ZMYM6: variants seen among roughly 807,000 people sequenced by gnomAD.
ZMYM6 encodes zinc finger MYM-type containing 6.
Under a neutral mutation model 134.0 loss-of-function variants are expected in ZMYM6, and 90 were observed. The observed-to-expected ratio is 0.67, with a 90% CI of 0.57 to 0.80. ZMYM6 has a LOEUF of 0.80. Ranked by LOEUF, ZMYM6 falls within the 30% of genes least tolerant of loss-of-function variation. ZMYM6 has a pLI of 0.00. For synonymous variants in ZMYM6, 481 were observed against 524.1 expected, an observed-to-expected ratio of 0.92 and a Z score of 1.12; for missense variants, 1,362 against 1,533.9, an observed-to-expected ratio of 0.89 and a Z score of 1.87.
chr1:35,019,863 A>G (rs150351075), intron 3 of ZMYM6, among the ~76,000 whole-genome samples: 3 of 151,950 alleles, frequency 2.0e-5, no homozygotes, highest in Non-Finnish European at 2.9e-5. Flanking sequence ...TTTAGCAAAG[A>G]TAAGGTATGT....
intron 14 of ZMYM6, among the ~76,000 whole-genome samples, chr1:35,003,651 T>C (rs1640917021): frequency 6.6e-6 from 1 of 152,238 alleles, no homozygotes; most frequent in Admixed American, 6.5e-5. Flanking sequence ...AATGCATTCT[T>C]ACTAATGATC....
At chr1:35,021,033 G>A (rs1164643618) in intron 2 of ZMYM6, among the ~76,000 whole-genome samples, 2 of 151,694 alleles carry the variant, frequency 1.3e-5, no homozygotes, top group Non-Finnish European at 2.9e-5. Flanking sequence ...TGATATATGG[G>A]AGTAATACAT....
At chr1:35,004,992 T>C (rs1304818737) in intron 13 of ZMYM6, 140 bp downstream of exon 13, 1 of 894,758 alleles carries the variant, frequency 1.1e-6, no homozygotes, top group Non-Finnish European at 1.6e-6. Flanking sequence ...CAGGAGGCGG[T>C]GGTTGCAGTG....
chr1:35,014,374 G>T (rs545666907), intron 6 of ZMYM6, among the ~76,000 whole-genome samples: 1 of 152,150 alleles, frequency 6.6e-6, no homozygotes, highest in Non-Finnish European at 1.5e-5. Context: ...AGGCTGAGGC[G>T]AGTGGATGGC....
At chr1:34,997,112 T>C (rs1019120583) in intron 14 of ZMYM6, among the ~76,000 whole-genome samples, 3 of 152,212 alleles carry the variant, frequency 2.0e-5, no homozygotes, top group African/African-American at 7.2e-5. Flanking sequence ...AGCACTTTTA[T>C]CAATTTACAC....
chr1:35,001,913 G>A (rs918939918), intron 14 of ZMYM6, among the ~76,000 whole-genome samples: 2 of 152,124 alleles, frequency 1.3e-5, no homozygotes, highest in Non-Finnish European at 2.9e-5. Flanking sequence ...ACTCTAATGT[G>A]GTTTGAGAGT....
chr1:35,022,339 C>T (rs554427633), intron 2 of ZMYM6, among the ~76,000 whole-genome samples: 84 of 152,152 alleles, frequency 5.5e-4, no homozygotes, highest in South Asian at 1.2e-3. Context: ...GGTGCCATCT[C>T]GGCTCACTGC....
chr1:35,025,751 T>C (rs1641402601), intron 2 of ZMYM6, among the ~76,000 whole-genome samples: 1 of 152,186 alleles, frequency 6.6e-6, no homozygotes, highest in Non-Finnish European at 1.5e-5. Context: ...GGTTAAGGGT[T>C]TGGGCTCTTG....
chr1:34,989,327 C>T, intron 15 of ZMYM6: 1 of 873,510 alleles, frequency 1.1e-6, no homozygotes, highest in Non-Finnish European at 1.4e-6. Context: ...CACTTGAGCC[C>T]TGGAGTTAGA....
At position 34,988,602 on chromosome 1, in the gene ZMYM6, G is replaced by T; in HGVS notation, c.2480C>A (p.Ser827Ter). 1 of 1,550,558 alleles carries T rather than the reference G, an allele frequency of 6.4e-7. No individual in the cohort carries two copies. Among genetic ancestry groups the T allele is most frequent in the South Asian group, 1.2e-5 (1 of 83,714 alleles). The change falls in exon 16 of 16, where the codon TCA becomes TAA. Residue 827 changes from serine (S) to a stop codon, truncating the protein, a stop_gained. Transcript: ENST00000357182. LOFTEE classifies it high-confidence loss of function. The stretch of plus-strand genomic sequence containing the variant: ...AATTAAATAAGAAGCTTTCACAAGT[G>T]ACTTTTCAACTAGTAAACACTTTTT... ...SLKKCLLVEK[S>*]LVKASYLIAF...
At chr1:35,010,630 C>A (rs1641068149) in intron 9 of ZMYM6, 33 bp from the exon 10 acceptor site, 1 of 1,576,816 alleles carries the variant, frequency 6.3e-7, no homozygotes. Flanking sequence ...TAAGAGCCAA[C>A]TAAACAGTTG....
intron 14 of ZMYM6, 86 bp downstream of exon 14, chr1:35,003,882 G>T (rs1009521745): frequency 1.6e-6 from 2 of 1,226,868 alleles, no homozygotes; most frequent in Non-Finnish European, 2.4e-6. Flanking sequence ...AAAAAGAAAA[G>T]TATTCAGATA....
At chr1:34,990,325 AAAAG>A in intron 15 of ZMYM6, 1 of 265,752 alleles carries the variant, frequency 3.8e-6, no homozygotes, top group African/African-American at 2.2e-5. Flanking sequence ...CTAAAAATAC[AAAAG>A]AAAATTAGCT....
intron 14 of ZMYM6, 33 bp from the exon 15 acceptor site, chr1:34,992,420 GA>G: frequency 6.2e-7 from 1 of 1,602,526 alleles, no homozygotes; most frequent in Non-Finnish European, 8.5e-7. Context: ...ACCAAAGAAA[GA>G]TTTTTTTTAG....
chr1:34,992,890 T>A, intron 14 of ZMYM6, among the ~76,000 whole-genome samples: 1 of 146,068 alleles, frequency 6.8e-6, no homozygotes, highest in Non-Finnish European at 1.5e-5. Context: ...AATATAAAAA[T>A]TATACATATA....
intron 14 of ZMYM6, among the ~76,000 whole-genome samples, chr1:35,001,471 T>C (rs1435525015): frequency 6.6e-6 from 1 of 151,976 alleles, no homozygotes; most frequent in Admixed American, 6.6e-5. Flanking sequence ...AACTAAATAA[T>C]TCAAAACTAA....
intron 4 of ZMYM6, among the ~76,000 whole-genome samples, chr1:35,015,743 A>AAAAAAAAAAAAAAAATATATAT: frequency 4.7e-5 from 5 of 106,468 alleles, no homozygotes; most frequent in African/African-American, 3.3e-4. Flanking sequence ...AAAAAAAAAA[A>AAAAAAAAAAAAAAAATATATAT]ATATATATAT....
At chr1:35,003,180 CAAAA>C (rs202093628) in intron 14 of ZMYM6, among the ~76,000 whole-genome samples, 3,307 of 63,062 alleles carry the variant, frequency 0.052, 116 homozygotes, top group African/African-American at 0.14. Flanking sequence ...GACCCTGTCT[CAAAA>C]AAAAAAAAAA....
intron 15 of ZMYM6, chr1:34,990,244 G>T: frequency 4.1e-6 from 1 of 244,742 alleles, no homozygotes; most frequent in South Asian, 3.9e-5. Flanking sequence ...ACTTTGGGAG[G>T]CTGAGGCGGG....
Sources: allele counts gnomAD v4.1 joint callset (sites outside exome capture counted in the v4.1 genomes callset), GRCh38; gene constraint gnomAD v4.1.1; transcripts MANE v1.5; gene names NCBI Gene and HGNC (gene_info 2026-07-23, HGNC 2026-07-21).